The following GABRA4 variants were observed in gnomAD, a reference collection of about 807,000 sequenced individuals.
GABRA4 encodes gamma-aminobutyric acid receptor subunit alpha-4.
GABRA4 carries 12 observed loss-of-function variants against 49.7 expected under a neutral mutation model. The observed-to-expected ratio is 0.24, with a 90% CI of 0.15 to 0.39. The LOEUF (loss-of-function observed/expected upper bound fraction) is 0.39, where lower values mean the gene tolerates loss of function less well. Among genes scored for constraint, GABRA4 ranks in the 10% least tolerant of loss-of-function variants. The pLI is 1.00. For synonymous variants in GABRA4, 288 were observed against 240.2 expected, an observed-to-expected ratio of 1.20 and a Z score of -1.84; for missense variants, 506 against 686.0, an observed-to-expected ratio of 0.74 and a Z score of 2.93.
chr4:46,979,808 A>C (rs910411357), intron 2 of GABRA4, among the ~76,000 whole-genome samples: 1 of 152,106 alleles, frequency 6.6e-6, no homozygotes, highest in African/African-American at 2.4e-5. Flanking sequence ...TACTCATTCC[A>C]TGTGAGGTTC....
chr4:46,983,045 C>T (rs13117953), intron 2 of GABRA4, among the ~76,000 whole-genome samples: 5,765 of 152,088 alleles, frequency 0.038, 171 homozygotes, highest in Non-Finnish European at 0.061. Flanking sequence ...GTAATCCTCA[C>T]GACACCCTCC....
At chr4:46,986,196 T>C (rs921508652) in intron 2 of GABRA4, among the ~76,000 whole-genome samples, 5 of 152,030 alleles carry the variant, frequency 3.3e-5, no homozygotes, top group African/African-American at 9.7e-5. Flanking sequence ...CCTAGCATTT[T>C]TCTACCTCCT....
chr4:46,993,255 G>C (rs560901500), intron 1 of GABRA4, 84 bp downstream of exon 1: 7 of 1,152,458 alleles, frequency 6.1e-6, no homozygotes, highest in Non-Finnish European at 9.2e-6. Context: ...TCCACCCAGG[G>C]AGGAGCGAGT....
intron 8 of GABRA4, among the ~76,000 whole-genome samples, chr4:46,953,763 T>C (rs1722249898): frequency 6.6e-6 from 1 of 152,128 alleles, no homozygotes; most frequent in Admixed American, 6.5e-5. Context: ...AGTTTCAAAG[T>C]ATGGCTTACA....
chr4:46,956,264 T>A (rs553671599), intron 8 of GABRA4, among the ~76,000 whole-genome samples: 1 of 152,150 alleles, frequency 6.6e-6, no homozygotes, highest in East Asian at 1.9e-4. Flanking sequence ...AAATGTCAGA[T>A]GAATTGTCGG....
rs1214417310 is a variant in GABRA4 at position 46,950,873 on chromosome 4, G to A, written c.1134+14097C>T. On this transcript the variant is annotated intron_variant, in intron 8 of 8. Coordinates refer to ENST00000264318, the MANE Select transcript of GABRA4 (RefSeq NM_000809.4). ...TATCAGAGCTCTTCCAGCCAAGCTA[G>A]CCCTCAGAAGAGTATCTGATTATTA... Among the ~76,000 whole-genome samples the A allele has an allele frequency of 2.0e-5, 3 of 151,954 alleles. No individual in the cohort carries two copies. In the East Asian group the frequency reaches 5.8e-4, roughly 29 times the overall value.
intron 8 of GABRA4, among the ~76,000 whole-genome samples, chr4:46,956,738 T>A (rs1026425202): frequency 2.0e-5 from 3 of 151,972 alleles, no homozygotes; most frequent in African/African-American, 4.8e-5. Context: ...GTAAAAAAAA[T>A]TGCCATCAAA....
At chr4:46,963,984 C>A (rs188345081) in intron 8 of GABRA4, among the ~76,000 whole-genome samples, 1 of 151,788 alleles carries the variant, frequency 6.6e-6, no homozygotes, top group South Asian at 2.1e-4. Flanking sequence ...GATCTGTCTA[C>A]AATAGCTAAG....
chr4:46,979,352 C>T (rs1723268505), intron 2 of GABRA4, among the ~76,000 whole-genome samples: 1 of 152,052 alleles, frequency 6.6e-6, no homozygotes, highest in African/African-American at 2.4e-5. Context: ...AAAGATACGT[C>T]ACCCCTGGGT....
chr4:46,990,371 A>G (rs1374086526), intron 2 of GABRA4, among the ~76,000 whole-genome samples: 1 of 152,196 alleles, frequency 6.6e-6, no homozygotes, highest in African/African-American at 2.4e-5. Context: ...CACTTATGTT[A>G]TTGTCAATAT....
At chr4:46,974,647 A>G (rs185713012) in intron 5 of GABRA4, among the ~76,000 whole-genome samples, 13 of 152,064 alleles carry the variant, frequency 8.5e-5, no homozygotes, top group Non-Finnish European at 1.9e-4. Flanking sequence ...TGAAGCATCT[A>G]AAATGCTACA....
At chr4:46,929,024 A>C (rs1721338303) in intron 8 of GABRA4, among the ~76,000 whole-genome samples, 1 of 152,082 alleles carries the variant, frequency 6.6e-6, no homozygotes, top group Non-Finnish European at 1.5e-5. Flanking sequence ...AAAAAAGATC[A>C]AGTTGTTAGA....
At position 46,990,997 on chromosome 4, in the gene GABRA4, G is replaced by A. The variant is rs576372960; in HGVS notation, c.205+1831C>T. On this transcript the variant is annotated intron_variant, in intron 2 of 8. Coordinates refer to ENST00000264318, the MANE Select transcript of GABRA4 (RefSeq NM_000809.4). ...AGTTCGAGACCAGCCTGGCCAACAT[G>A]GTGAAACCCCATCTCTACCAAAAAA... 2.0e-5 allele frequency among the ~76,000 whole-genome samples: 3 copies of A among 152,220 alleles called. No homozygotes were observed. In the South Asian group the frequency reaches 6.2e-4, roughly 32 times the overall value.
rs766411395 is a variant in GABRA4 at position 46,928,399 on chromosome 4, C to T, written c.1491G>A (p.Gly497=). 1 of 1,613,518 alleles carries T rather than the reference C, an allele frequency of 6.2e-7. No individual in the cohort carries two copies. Among genetic ancestry groups the T allele is most frequent in the African/African-American group, 1.3e-5 (1 of 74,896 alleles). Residue 497 remains glycine (G), a synonymous_variant, in exon 9 of 9, where the codon GGG becomes GGA. Coordinates refer to ENST00000264318, the MANE Select transcript of GABRA4 (RefSeq NM_000809.4). Reference sequence around the variant, plus strand: ...ATGGAGGAGGAGTAGCTGACAACTTCCCAGTAGCCCCTATGGTATTAACTG... The same window carrying T: ...ATGGAGGAGGAGTAGCTGACAACTTTCCAGTAGCCCCTATGGTATTAACTG... ...KTTVNTIGAT[G]KLSATPPPSA... is the part of the protein sequence containing the mutation.
intron 2 of GABRA4, among the ~76,000 whole-genome samples, chr4:46,989,627 G>T (rs1404828587): frequency 6.6e-6 from 1 of 152,150 alleles, no homozygotes; most frequent in Non-Finnish European, 1.5e-5. Context: ...ATGTAATTTA[G>T]TTTCCAAATC....
chr4:46,973,077 G>A (rs1057409310), intron 6 of GABRA4, among the ~76,000 whole-genome samples: 2 of 151,572 alleles, frequency 1.3e-5, no homozygotes, highest in South Asian at 4.1e-4. Context: ...AACCTTTCTC[G>A]TGTATAAAAT....
At chr4:46,991,756 T>C (rs1723754007) in intron 2 of GABRA4, among the ~76,000 whole-genome samples, 2 of 114,808 alleles carry the variant, frequency 1.7e-5, no homozygotes, top group South Asian at 5.9e-4. Context: ...GGGATGGTAA[T>C]GGCTTTCAAA....
chr4:46,978,344 C>T (rs1723218457), intron 3 of GABRA4, among the ~76,000 whole-genome samples: 1 of 151,912 alleles, frequency 6.6e-6, no homozygotes, highest in African/African-American at 2.4e-5. Flanking sequence ...ACGACTAGTT[C>T]ATACTGAAAC....
chr4:46,975,110 C>A (rs1461064642), intron 5 of GABRA4, among the ~76,000 whole-genome samples: 2 of 151,968 alleles, frequency 1.3e-5, no homozygotes, highest in African/African-American at 4.8e-5. Context: ...CAGCTGCTTG[C>A]TTACCAGTCT....
Sources: allele counts gnomAD v4.1 joint callset (sites outside exome capture counted in the v4.1 genomes callset), GRCh38; gene constraint gnomAD v4.1.1; transcripts MANE v1.5; gene names NCBI Gene and HGNC (gene_info 2026-07-23, HGNC 2026-07-21).